Variants in PURG observed in about 807,000 individuals in gnomAD.
The protein encoded by PURG is purine rich element binding protein G.
In PURG, 3 loss-of-function variants were observed where a neutral mutation model predicts 24.3. The observed-to-expected ratio is 0.12, with a 90% CI of 0.06 to 0.32. The LOEUF (loss-of-function observed/expected upper bound fraction) is 0.32. PURG is among the 10% of genes least tolerant of loss of function. The pLI is 1.00. For synonymous variants in PURG, 180 were observed against 173.1 expected (o/e 1.04, Z -0.31); for missense variants, 371 against 439.1 (o/e 0.84, Z 1.39).
downstream of PURG, among the ~76,000 whole-genome samples, chr8:31,027,365 A>G (rs1196559194): frequency 6.6e-6 from 1 of 151,734 alleles, no homozygotes; most frequent in Non-Finnish European, 1.5e-5. Context: ...CCAATGAAAA[A>G]CATTTGGAGA....
downstream of PURG, among the ~76,000 whole-genome samples, chr8:31,026,823 C>T (rs78792837): frequency 8.9e-3 from 1,340 of 151,034 alleles, 24 homozygotes; most frequent in African/African-American, 0.031. Flanking sequence ...AATCTCATTA[C>T]CAAAATAAAT....
intron 1 of PURG, among the ~76,000 whole-genome samples, chr8:31,005,189 T>C (rs1810617510): frequency 6.6e-6 from 1 of 151,898 alleles, no homozygotes; most frequent in Non-Finnish European, 1.5e-5. Context: ...TCCTAGCACT[T>C]TGGGAGGCTG....
chr8:31,014,497 T>C (rs1585359672), intron 1 of PURG, among the ~76,000 whole-genome samples: 1 of 152,356 alleles, frequency 6.6e-6, no homozygotes, highest in East Asian at 1.9e-4. Context: ...GGTTGAGTAT[T>C]TTCTTACTGC....
chr8:31,008,255 G>C (rs1810694272), intron 1 of PURG, among the ~76,000 whole-genome samples: 1 of 152,166 alleles, frequency 6.6e-6, no homozygotes, highest in South Asian at 2.1e-4. Flanking sequence ...TAAATGCTTT[G>C]ATTATGTGAC....
At chr8:30,998,945 T>A (rs1007377029) in intron 1 of PURG, among the ~76,000 whole-genome samples, 4 of 151,924 alleles carry the variant, frequency 2.6e-5, no homozygotes, top group African/African-American at 9.6e-5. Context: ...ATGCATAATC[T>A]ATATTGGTGC....
At chr8:31,019,947 G>C (rs1314945943) in intron 1 of PURG, among the ~76,000 whole-genome samples, 1 of 151,120 alleles carries the variant, frequency 6.6e-6, no homozygotes, top group East Asian at 2.0e-4. Flanking sequence ...AAGGCGGGTG[G>C]ATCACCTGAG....
At chr8:31,002,373 G>A (rs191592213) in intron 1 of PURG, among the ~76,000 whole-genome samples, 1 of 151,122 alleles carries the variant, frequency 6.6e-6, no homozygotes. Context: ...AAAAAGGATA[G>A]TTAAATCCCA....
At chr8:31,029,109 C>A (rs571947938), downstream of PURG, among the ~76,000 whole-genome samples, 30 of 151,772 alleles carry the variant, frequency 2.0e-4, no homozygotes, top group Admixed American at 3.3e-4. Context: ...CAATACATGT[C>A]CTAAGACCAG....
intron 1 of PURG, among the ~76,000 whole-genome samples, chr8:31,004,162 G>T (rs1445017012): frequency 2.0e-5 from 3 of 152,092 alleles, no homozygotes; most frequent in Non-Finnish European, 4.4e-5. Context: ...AATTTAATTA[G>T]GACTTTCAAA....
At chr8:31,022,367 G>T (rs923484828) in intron 1 of PURG, among the ~76,000 whole-genome samples, 28 of 152,192 alleles carry the variant, frequency 1.8e-4, no homozygotes, top group Admixed American at 9.8e-4. Flanking sequence ...TGACCTTTCA[G>T]TTCATGTCAT....
intron 1 of PURG, among the ~76,000 whole-genome samples, chr8:31,012,850 G>A (rs1810789823): frequency 6.6e-6 from 1 of 152,166 alleles, no homozygotes; most frequent in Non-Finnish European, 1.5e-5. Context: ...ACAAATTTCT[G>A]AATGATTGAA....
rs940468985 is a variant in PURG at position 31,032,306 on chromosome 8, G to C, written c.477C>G (p.Val159=). Residue 159 remains valine, a synonymous_variant, in exon 2 of 2, where the codon GTC becomes GTG. Coordinates refer to ENST00000523392, the MANE Select transcript of PURG (RefSeq NM_001323311.2). The surrounding 1 kb of genome is among the most constrained non-coding windows in gnomAD (Gnocchi z 5.9). Reference sequence around the variant, plus strand: ...GAGGATGCTCTTCGGACCCCACCGAGACTGGTGGGGAGGGTGCCGAGTGCT... The same window carrying C: ...GAGGATGCTCTTCGGACCCCACCGACACTGGTGGGGAGGGTGCCGAGTGCT... ...RQKHSAPSPP[V]SVGSEEHPHS... The C allele has an allele frequency of 1.2e-6, 2 of 1,612,630 alleles. No individual in the cohort carries two copies. Among genetic ancestry groups the C allele is most frequent in the Admixed American group, 1.7e-5 (1 of 60,010 alleles).
intron 1 of PURG, among the ~76,000 whole-genome samples, chr8:30,999,282 T>G (rs1810490084): frequency 6.6e-6 from 1 of 152,024 alleles, no homozygotes; most frequent in South Asian, 2.1e-4. Context: ...ATTAAAAAGT[T>G]TGAATATTCT....
chr8:30,997,086 G>A (rs563444149), intron 1 of PURG, among the ~76,000 whole-genome samples: 3 of 151,882 alleles, frequency 2.0e-5, no homozygotes, highest in African/African-American at 7.2e-5. Context: ...TTACAGTACG[G>A]CAGCAATTTT....
At chr8:30,997,760 TA>T (rs1810457804) in intron 1 of PURG, among the ~76,000 whole-genome samples, 1 of 151,806 alleles carries the variant, frequency 6.6e-6, no homozygotes, top group African/African-American at 2.4e-5. Context: ...AGAAAGATGT[TA>T]AGGTTTCACT....
chr8:31,021,837 C>G lies in PURG; in HGVS notation c.864+10082G>C, dbSNP rs578106918. 2.6e-5 allele frequency among the ~76,000 whole-genome samples: 4 copies of G among 152,204 alleles called. No homozygotes were observed. In the South Asian group the frequency reaches 8.3e-4, roughly 32 times the overall value. ...GTAGCTATAAGGGGCCCAGCTATGTCTAGTATACAGTGGGTGGTCCATAAG... is the reference window on the plus strand; with the variant it reads ...GTAGCTATAAGGGGCCCAGCTATGTGTAGTATACAGTGGGTGGTCCATAAG... On this transcript the variant is annotated intron_variant, in intron 1 of 1. Transcript: ENST00000339382.
chr8:31,020,709 G>A (rs1456906987), intron 1 of PURG, among the ~76,000 whole-genome samples: 1 of 152,200 alleles, frequency 6.6e-6, no homozygotes, highest in Non-Finnish European at 1.5e-5. Context: ...TGTCAAGGCA[G>A]AAGAAGGAGT....
intron 1 of PURG, among the ~76,000 whole-genome samples, chr8:31,010,622 T>C (rs1226161055): frequency 3.3e-5 from 5 of 152,214 alleles, no homozygotes; most frequent in African/African-American, 1.2e-4. Context: ...TATAAAAGGC[T>C]TCAATGAGCA....
At chr8:31,010,720 T>A (rs1810746788) in intron 1 of PURG, among the ~76,000 whole-genome samples, 1 of 152,180 alleles carries the variant, frequency 6.6e-6, no homozygotes, top group Admixed American at 6.5e-5. Context: ...GTTTTCTTCA[T>A]CTGTTAAGTG....
Sources: allele counts gnomAD v4.1 joint callset (sites outside exome capture counted in the v4.1 genomes callset), GRCh38; gene constraint gnomAD v4.1.1; non-coding constraint Gnocchi (gnomAD v3.1); transcripts MANE v1.5; gene names NCBI Gene and HGNC (gene_info 2026-07-23, HGNC 2026-07-21).